The following CLCA1 variants were observed in gnomAD, a reference collection of about 807,000 sequenced individuals.
The protein encoded by CLCA1 is calcium-activated chloride channel regulator 1.
Under a neutral mutation model 85.6 loss-of-function variants are expected in CLCA1, and 59 were observed. That is an observed-to-expected ratio of 0.69 (90% CI 0.56 to 0.86). The LOEUF is 0.86. CLCA1 is among the 40% of genes least tolerant of loss of function. CLCA1 has a pLI of 0.00. For synonymous variants in CLCA1, 396 were observed against 398.3 expected (o/e 0.99, Z 0.07); for missense variants, 1,022 against 1,101.4 (o/e 0.93, Z 1.02).
At position 86,482,346 on chromosome 1, in the gene CLCA1, G is replaced by A; in HGVS notation, c.699G>A (p.Glu233=). The change falls in exon 5 of 14, where the codon GAG becomes GAA. Residue 233 remains glutamate (E), a synonymous_variant. Coordinates refer to ENST00000394711, the MANE Select transcript of CLCA1 (RefSeq NM_001285.4). ...CEFVLQSRQT[E]KASIMFAQHV... is the part of the protein sequence containing the mutation. ...TTGTTCTCCAATCCCGCCAGACGGA[G>A]AAGGCTTCTATAATGTTTGCACAAC... The A allele has an allele frequency of 6.2e-7, 1 of 1,614,146 alleles. No individual in the cohort carries two copies. Among genetic ancestry groups the A allele is most frequent in the South Asian group, 1.1e-5 (1 of 91,078 alleles).
intron 1 of CLCA1, among the ~76,000 whole-genome samples, chr1:86,471,150 C>T (rs377761660): frequency 2.0e-4 from 31 of 151,676 alleles, no homozygotes; most frequent in East Asian, 1.7e-3. Flanking sequence ...CACACACGCA[C>T]GTCAGAAGGT....
intron 7 of CLCA1, 63 bp from the exon 8 acceptor site, chr1:86,488,932 GA>G (rs748357546): frequency 3.0e-5 from 43 of 1,409,850 alleles, no homozygotes; most frequent in Admixed American, 6.1e-5. Flanking sequence ...CCTGTAAGCA[GA>G]ATTTTCATAA....
intron 6 of CLCA1, 109 bp downstream of exon 6, chr1:86,485,670 T>C: frequency 1.1e-6 from 1 of 908,484 alleles, no homozygotes; most frequent in Non-Finnish European, 1.7e-6. Context: ...CCAGAATAGT[T>C]ATAACTGTAA....
chr1:86,494,433 C>T lies in CLCA1; in HGVS notation c.1927C>T (p.Leu643=), dbSNP rs749516909. ...TGGAAAAACAGTTACCTTGGAACTACTGGATAATGGAGCAGGTAATCACCC... is the reference window on the plus strand; with the variant it reads ...TGGAAAAACAGTTACCTTGGAACTATTGGATAATGGAGCAGGTAATCACCC... ...VNGKTVTLEL[L]DNGAGADATK... The change falls in exon 11 of 14, where the codon CTG becomes TTG. Residue 643 remains leucine (L), a synonymous_variant. Coordinates refer to ENST00000394711, the MANE Select transcript of CLCA1 (RefSeq NM_001285.4). 8 of 1,614,128 alleles carry T rather than the reference C, an allele frequency of 5.0e-6. No individual in the cohort carries two copies. The South Asian group carries it at 8.8e-5, about 18-fold the overall frequency.
At position 86,482,151 on chromosome 1, in the gene CLCA1, T is replaced by C; in HGVS notation, c.558-54T>C. 3.6e-6 allele frequency: 5 copies of C among 1,380,962 alleles called. No homozygotes were observed. In the South Asian group the frequency reaches 3.7e-5, roughly 10 times the overall value. 85.5% of individuals were successfully genotyped at this position (1,380,962 alleles called of 1,614,324 possible). On this transcript the variant is annotated intron_variant, in intron 4 of 13. Transcript: ENST00000394711. ...TCTGTCAGAAACTGAGCATAGACTC[T>C]GACCCTTTGAAATGACGACATCACC...
At chr1:86,472,726 C>T (rs1647539087) in intron 1 of CLCA1, among the ~76,000 whole-genome samples, 1 of 152,012 alleles carries the variant, frequency 6.6e-6, no homozygotes, top group African/African-American at 2.4e-5. Context: ...CTTAGTACCA[C>T]ACTGCACAAA....
chr1:86,471,717 G>A (rs1234553824), intron 1 of CLCA1, among the ~76,000 whole-genome samples: 1 of 152,026 alleles, frequency 6.6e-6, no homozygotes, highest in Admixed American at 6.6e-5. Flanking sequence ...TTAAAAATCT[G>A]GGAGTTTTAG....
intron 6 of CLCA1, among the ~76,000 whole-genome samples, chr1:86,485,917 A>T (rs1010277523): frequency 6.6e-6 from 1 of 152,166 alleles, no homozygotes; most frequent in Non-Finnish European, 1.5e-5. Context: ...TTTATAAAGG[A>T]AAGAGGTTTA....
chr1:86,498,716 C>A lies in CLCA1; in HGVS notation c.2258C>A (p.Pro753His). 1.2e-6 allele frequency: 2 copies of A among 1,614,126 alleles called. No individual in the cohort carries two copies. Among genetic ancestry groups the A allele is most frequent in the Non-Finnish European group, 8.5e-7 (1 of 1,180,020 alleles). The change falls in exon 13 of 14, where the codon CCT becomes CAT. Residue 753 changes from proline to histidine, a missense_variant. Pro to His is a moderately conservative substitution (Grantham distance 77). Transcript: ENST00000394711. Reference sequence around the variant, plus strand: ...GCTCCCATACCTGATCTCTTCCCACCTGGCCAAATCACCGACCTGAAGGCG... The same window carrying A: ...GCTCCCATACCTGATCTCTTCCCACATGGCCAAATCACCGACCTGAAGGCG... The part of the protein sequence containing the change: ...PNAPIPDLFP[P>H]GQITDLKAEI...
At chr1:86,492,390 T>C (rs1273753820) in intron 9 of CLCA1, among the ~76,000 whole-genome samples, 3 of 152,166 alleles carry the variant, frequency 2.0e-5, no homozygotes, top group Non-Finnish European at 2.9e-5. Flanking sequence ...AGTTCACATT[T>C]AGGAAATTTC....
In CLCA1 at chr1:86,500,254, T is replaced by TG. The variant is rs1491466431; in HGVS notation, c.*212dup. On this transcript the variant is annotated 3_prime_UTR_variant, in exon 14 of 14. Transcript: ENST00000394711. ...GCGATAAAATAAAATGCTAAACAACTGGGTATACATGCATAAAAACTATCC... is the reference window on the plus strand; with the variant it reads ...GCGATAAAATAAAATGCTAAACAACTGGGGTATACATGCATAAAAACTATCC... 6.8e-6 allele frequency: 3 copies of TG among 441,318 alleles called. No individual in the cohort carries two copies. The highest frequency in any genetic ancestry group is 1.2e-5 in the Non-Finnish European group (3 of 248,848). 27.3% of individuals were successfully genotyped at this position (441,318 alleles called of 1,614,324 possible).
intron 12 of CLCA1, among the ~76,000 whole-genome samples, chr1:86,496,680 C>A (rs1456254086): frequency 2.6e-5 from 4 of 152,122 alleles, no homozygotes; most frequent in Non-Finnish European, 5.9e-5. Flanking sequence ...GATTCAGAGA[C>A]ACATGGTGTC....
chr1:86,492,098 G>A (rs1040563623), intron 9 of CLCA1, among the ~76,000 whole-genome samples: 5 of 152,178 alleles, frequency 3.3e-5, no homozygotes, highest in Admixed American at 1.3e-4. Flanking sequence ...TTTTAAACTA[G>A]AGAGAGTGAA....
intron 4 of CLCA1, 98 bp downstream of exon 4, chr1:86,476,651 T>G (rs566181879): frequency 1.8e-6 from 1 of 545,518 alleles, no homozygotes; most frequent in Non-Finnish European, 3.3e-6. Flanking sequence ...CTGGCTTATT[T>G]TCTAATTCAA....
rs375563947 is a variant in CLCA1, at chr1:86,485,582, T to G, written c.954+21T>G. 2.0e-5 allele frequency: 32 copies of G among 1,606,092 alleles called. No individual in the cohort carries two copies. In the African/African-American group the frequency reaches 3.7e-4, roughly 19 times the overall value. On this transcript the variant is annotated intron_variant, in intron 6 of 13. Coordinates refer to ENST00000394711, the MANE Select transcript of CLCA1 (RefSeq NM_001285.4). The stretch of plus-strand genomic sequence containing the variant: ...TGGCGGTATGTTCAATGAGTCTTGG[T>G]CTTCTGGATGCTGGTCACAGATATG...
At chr1:86,486,821 C>A in intron 7 of CLCA1, 68 bp downstream of exon 7, 1 of 1,394,022 alleles carries the variant, frequency 7.2e-7, no homozygotes, top group Non-Finnish European at 1.0e-6. Context: ...ACTTCCATTT[C>A]CAGTGTTTCC....
intron 1 of CLCA1, among the ~76,000 whole-genome samples, chr1:86,471,802 A>T (rs1438834335): frequency 6.6e-6 from 1 of 152,128 alleles, no homozygotes; most frequent in Non-Finnish European, 1.5e-5. Flanking sequence ...TGAAAGGGAG[A>T]AATTGAGGCT....
intron 7 of CLCA1, among the ~76,000 whole-genome samples, chr1:86,487,564 G>T (rs527821508): frequency 6.6e-6 from 1 of 152,158 alleles, no homozygotes; most frequent in Non-Finnish European, 1.5e-5. Context: ...ATCCCTGCTA[G>T]TCCCTGCTGC....
intron 6 of CLCA1, 87 bp downstream of exon 6, chr1:86,485,648 A>T: frequency 8.3e-7 from 1 of 1,200,248 alleles, no homozygotes; most frequent in Non-Finnish European, 1.2e-6. Flanking sequence ...GCGAATAAAC[A>T]TAACCCGAGG....
Sources: allele counts gnomAD v4.1 joint callset (sites outside exome capture counted in the v4.1 genomes callset), GRCh38; gene constraint gnomAD v4.1.1; transcripts MANE v1.5; gene names NCBI Gene and HGNC (gene_info 2026-07-23, HGNC 2026-07-21).